Variants in WWC2 observed in about 807,000 individuals in gnomAD.
WWC2 encodes the protein WW and C2 domain containing 2, also known as protein WWC2.
WWC2 carries 101 observed loss-of-function variants against 138.5 expected under a neutral mutation model. The observed-to-expected ratio is 0.73, with a 90% confidence interval of 0.62 to 0.86. The LOEUF (loss-of-function observed/expected upper bound fraction) is 0.86, where lower values mean the gene tolerates loss of function less well. Among genes scored for constraint, WWC2 ranks in the 40% least tolerant of loss-of-function variants. The pLI is 0.00. For synonymous variants in WWC2, 558 were observed against 538.4 expected (o/e 1.04, Z -0.50); for missense variants, 1,420 against 1,419.4 (o/e 1.00, Z -0.01).
intron 21 of WWC2, among the ~76,000 whole-genome samples, chr4:183,295,724 C>T (rs756323522): frequency 2.4e-4 from 37 of 152,154 alleles, no homozygotes; most frequent in Non-Finnish European, 5.1e-4. Context: ...TGTTCACAGG[C>T]GTAATCTAGG....
intron 1 of WWC2, among the ~76,000 whole-genome samples, chr4:183,125,479 AT>A (rs1444468917): frequency 6.6e-6 from 1 of 152,232 alleles, no homozygotes; most frequent in African/African-American, 2.4e-5. Flanking sequence ...CTTTGCTTCA[AT>A]TAAATGTTTG....
intron 1 of WWC2, among the ~76,000 whole-genome samples, chr4:183,159,067 A>G (rs1254751594): frequency 6.6e-6 from 1 of 152,182 alleles, no homozygotes; most frequent in Non-Finnish European, 1.5e-5. Flanking sequence ...TTCACCTAGT[A>G]TCTCAGCAGA....
chr4:183,147,684 G>T (rs2111109155), intron 1 of WWC2, among the ~76,000 whole-genome samples: 1 of 152,246 alleles, frequency 6.6e-6, no homozygotes, highest in East Asian at 1.9e-4. Flanking sequence ...GAACTTTCTG[G>T]CCTTTTTCAT....
At chr4:183,124,704 C>G (rs1732708579) in intron 1 of WWC2, among the ~76,000 whole-genome samples, 1 of 151,852 alleles carries the variant, frequency 6.6e-6, no homozygotes, top group Admixed American at 6.6e-5. Context: ...GTTCTCCTGC[C>G]TCAGCCTCCC....
intron 1 of WWC2, among the ~76,000 whole-genome samples, chr4:183,117,206 ATTC>A (rs1231104267): frequency 4.8e-5 from 7 of 144,380 alleles, no homozygotes; most frequent in South Asian, 2.2e-4. Flanking sequence ...GCTCTTCCAC[ATTC>A]TTCTTCTTTT....
intron 4 of WWC2, among the ~76,000 whole-genome samples, chr4:183,217,852 C>A (rs1735800220): frequency 6.6e-6 from 1 of 151,776 alleles, no homozygotes; most frequent in Non-Finnish European, 1.5e-5. Flanking sequence ...GAGGAAATCA[C>A]AACAATTATT....
At chr4:183,227,869 G>A (rs1272482319) in intron 4 of WWC2, among the ~76,000 whole-genome samples, 1 of 151,956 alleles carries the variant, frequency 6.6e-6, no homozygotes, top group Non-Finnish European at 1.5e-5. Context: ...GGCATCAGTT[G>A]TTCACTATAT....
At chr4:183,201,819 G>T (rs1041714233) in intron 2 of WWC2, among the ~76,000 whole-genome samples, 1 of 152,168 alleles carries the variant, frequency 6.6e-6, no homozygotes, top group Non-Finnish European at 1.5e-5. Flanking sequence ...ATCAGGAACA[G>T]GTTCTTACGT....
At chr4:183,227,368 C>A (rs1197993926) in intron 4 of WWC2, among the ~76,000 whole-genome samples, 1 of 151,994 alleles carries the variant, frequency 6.6e-6, no homozygotes, top group African/African-American at 2.4e-5. Context: ...AGTAATACAC[C>A]TTCAACTAGT....
intron 1 of WWC2, among the ~76,000 whole-genome samples, chr4:183,140,697 A>G (rs1181265028): frequency 6.6e-6 from 1 of 152,220 alleles, no homozygotes. Flanking sequence ...TGCTAGATCA[A>G]ATTATTAATA....
At chr4:183,174,307 G>A (rs775218941) in intron 1 of WWC2, among the ~76,000 whole-genome samples, 1 of 152,206 alleles carries the variant, frequency 6.6e-6, no homozygotes, top group African/African-American at 2.4e-5. Context: ...CTTCTGGCAA[G>A]TCCTCCATGG....
intron 22 of WWC2, among the ~76,000 whole-genome samples, chr4:183,314,477 G>A (rs995805965): frequency 2.6e-5 from 4 of 152,214 alleles, no homozygotes; most frequent in African/African-American, 9.7e-5. Flanking sequence ...TGCTGGAAGC[G>A]TGGGATTTGC....
At chr4:183,197,587 G>A (rs1031036648) in intron 2 of WWC2, among the ~76,000 whole-genome samples, 1 of 152,146 alleles carries the variant, frequency 6.6e-6, no homozygotes, top group Admixed American at 6.5e-5. Flanking sequence ...CCTTCCAGTG[G>A]GTATATGTGG....
chr4:183,184,036 C>T (rs1489052890), intron 1 of WWC2, among the ~76,000 whole-genome samples: 1 of 152,178 alleles, frequency 6.6e-6, no homozygotes, highest in African/African-American at 2.4e-5. Context: ...ATGATCAATT[C>T]AGTGGCATTG....
At chr4:183,126,316 A>G (rs919617398) in intron 1 of WWC2, among the ~76,000 whole-genome samples, 7 of 152,186 alleles carry the variant, frequency 4.6e-5, no homozygotes, top group African/African-American at 7.2e-5. Context: ...GTATTTAAAG[A>G]CAGTCTTGCT....
intron 22 of WWC2, among the ~76,000 whole-genome samples, chr4:183,314,132 G>A (rs1012901578): frequency 1.9e-4 from 29 of 152,002 alleles, no homozygotes; most frequent in African/African-American, 6.5e-4. Context: ...TGCCTTAGTG[G>A]GCTCACAGCT....
chr4:183,284,950 A>G (rs887969738), intron 19 of WWC2, among the ~76,000 whole-genome samples: 2 of 152,210 alleles, frequency 1.3e-5, no homozygotes, highest in Non-Finnish European at 2.9e-5. Context: ...AATATTATAA[A>G]CTGGGTTAGA....
At chr4:183,306,204 T>C (rs1739019250) in intron 21 of WWC2, among the ~76,000 whole-genome samples, 1 of 152,028 alleles carries the variant, frequency 6.6e-6, no homozygotes. Context: ...AGTGAAAGAG[T>C]AGAAGACAAA....
At chr4:183,165,198 G>A (rs1032003682) in intron 1 of WWC2, among the ~76,000 whole-genome samples, 7 of 152,072 alleles carry the variant, frequency 4.6e-5, no homozygotes, top group Non-Finnish European at 2.9e-5. Flanking sequence ...GGGTAGAAGA[G>A]GTACAAGGGC....
Sources: gnomAD v4.1 joint callset for allele counts (sites outside exome capture counted in the v4.1 genomes callset) on GRCh38, gnomAD v4.1.1 for gene constraint, MANE v1.5 for transcripts, NCBI Gene and HGNC (gene_info 2026-07-23, HGNC 2026-07-21) for gene names.